The following GPC5 variants were observed in gnomAD, a reference collection of about 807,000 sequenced individuals.
GPC5 encodes glypican-5.
In GPC5, 47 loss-of-function variants were observed where a neutral mutation model predicts 53.9. That is an observed-to-expected ratio of 0.87 (90% CI 0.69 to 1.11). The LOEUF is 1.11. Among genes scored for constraint, GPC5 ranks in the 50% most tolerant of loss-of-function variants. The probability of loss-of-function intolerance (pLI) is 0.00; values close to 1 mark genes in which losing one functional copy is unlikely to be tolerated. For missense variants in GPC5, 748 were observed against 713.1 expected, an observed-to-expected ratio of 1.05 and a Z score of -0.56; for synonymous variants, 286 against 263.3, an observed-to-expected ratio of 1.09 and a Z score of -0.84.
Position 91,693,680 on chromosome 13 carries a change from C to G in GPC5, c.819C>G (p.Tyr273Ter), listed in dbSNP as rs2035813356. The change falls in exon 3 of 8, where the codon TAC becomes TAG. Residue 273 changes from tyrosine (Y) to a stop codon, truncating the protein, a stop_gained. Coordinates refer to ENST00000377067, the MANE Select transcript of GPC5 (RefSeq NM_004466.6). LOFTEE classifies it high-confidence loss of function. ...GLALTKPCMG[Y>*]CLNVMRGCLA... Reference sequence around the variant, plus strand: ...CGCTCACTAAGCCTTGTATGGGATACTGCCTCAATGTCATGCGAGGCTGCC... The same window carrying G: ...CGCTCACTAAGCCTTGTATGGGATAGTGCCTCAATGTCATGCGAGGCTGCC... 2 of 1,614,036 alleles carry G rather than the reference C, an allele frequency of 1.2e-6. No individual in the cohort carries two copies. The highest frequency in any genetic ancestry group is 1.1e-5 in the South Asian group (1 of 91,088).
At chr13:91,782,250 C>T (rs1211869411) in intron 5 of GPC5, among the ~76,000 whole-genome samples, 2 of 152,116 alleles carry the variant, frequency 1.3e-5, no homozygotes, top group African/African-American at 4.8e-5. Context: ...CTCTACTTTC[C>T]AAGCTGTGTT....
chr13:92,821,082 G>A (rs1000359917), intron 7 of GPC5, among the ~76,000 whole-genome samples: 1 of 152,098 alleles, frequency 6.6e-6, no homozygotes, highest in Non-Finnish European at 1.5e-5. Context: ...GTATATTCCT[G>A]ACACAAATCC....
At chr13:92,070,850 GTTTAGT>G (rs1438513144) in intron 6 of GPC5, among the ~76,000 whole-genome samples, 1 of 151,932 alleles carries the variant, frequency 6.6e-6, no homozygotes, top group East Asian at 1.9e-4. Context: ...TCTATGTATT[GTTTAGT>G]TTATCACATA....
At chr13:92,321,413 G>A (rs1304208108) in intron 7 of GPC5, among the ~76,000 whole-genome samples, 1 of 152,158 alleles carries the variant, frequency 6.6e-6, no homozygotes, top group Admixed American at 6.6e-5. Context: ...CCAACATCGT[G>A]AAACCCTGTC....
rs533837347 is a variant in GPC5, at chr13:92,752,003, A to G, written c.1562-114279A>G. On this transcript the variant is annotated intron_variant, in intron 7 of 7. Coordinates refer to ENST00000377067, the MANE Select transcript of GPC5 (RefSeq NM_004466.6). The stretch of plus-strand genomic sequence containing the variant: ...CTAATTATGTTATGAATTGAATATA[A>G]TAGTATCTGTTTTAATTTGCCACTT... Among the ~76,000 whole-genome samples, 4 of 152,246 alleles carry G rather than the reference A, an allele frequency of 2.6e-5. No homozygotes were observed. In the South Asian group the frequency reaches 6.2e-4, roughly 24 times the overall value.
chr13:92,243,629 A>G (rs2042629637), intron 7 of GPC5, among the ~76,000 whole-genome samples: 1 of 152,220 alleles, frequency 6.6e-6, no homozygotes, highest in Non-Finnish European at 1.5e-5. Context: ...ATTGTCATTT[A>G]TTGAAGTGTA....
At chr13:91,430,642 G>A (rs1238896748) in intron 1 of GPC5, among the ~76,000 whole-genome samples, 2 of 152,148 alleles carry the variant, frequency 1.3e-5, no homozygotes, top group African/African-American at 2.4e-5. Context: ...AGAGGAAGAA[G>A]CCTTCTGTAA....
At chr13:92,012,244 G>A (rs773061518) in intron 6 of GPC5, among the ~76,000 whole-genome samples, 4 of 151,900 alleles carry the variant, frequency 2.6e-5, no homozygotes, top group Admixed American at 2.0e-4. Context: ...ATTTGAAAAC[G>A]ATTTAATTTT....
At chr13:92,119,310 G>A (rs2041626015) in intron 6 of GPC5, among the ~76,000 whole-genome samples, 1 of 151,790 alleles carries the variant, frequency 6.6e-6, no homozygotes, top group Non-Finnish European at 1.5e-5. Context: ...TGGGAATTAT[G>A]GGAGCTAAAT....
intron 7 of GPC5, among the ~76,000 whole-genome samples, chr13:92,515,980 C>T (rs2138959923): frequency 6.6e-6 from 1 of 152,186 alleles, no homozygotes; most frequent in African/African-American, 2.4e-5. Context: ...TAGCATTAGA[C>T]TTTTTCTAGT....
Position 92,767,425 on chromosome 13 carries a change from C to T in GPC5, c.1562-98857C>T, listed in dbSNP as rs536963095. On this transcript the variant is annotated intron_variant, in intron 7 of 7. Transcript: ENST00000377067. ...GGCAGAGGTTGCAGTGAGCCGGGAT[C>T]GCGCCACCACACTTCAGCCTGGGCG... Among the ~76,000 whole-genome samples the T allele has an allele frequency of 4.6e-5, 7 of 152,212 alleles. No individual in the cohort carries two copies. The South Asian group carries it at 1.0e-3, about 23-fold the overall frequency.
At position 91,653,298 on chromosome 13, in the gene GPC5, C is replaced by T. The variant is rs915143928; in HGVS notation, c.326-39889C>T. Among the ~76,000 whole-genome samples, 4 of 152,224 alleles carry T rather than the reference C, an allele frequency of 2.6e-5. No individual in the cohort carries two copies. The South Asian group carries it at 6.2e-4, about 24-fold the overall frequency. On this transcript the variant is annotated intron_variant, in intron 2 of 7. Transcript: ENST00000377067. Reference sequence around the variant, plus strand: ...ATAAACCCTTATAAGATTATCTCCGCCCCCACAGCCTTAATTTCCATCAAC... The same window carrying T: ...ATAAACCCTTATAAGATTATCTCCGTCCCCACAGCCTTAATTTCCATCAAC...
chr13:92,704,800 C>G (rs915701548), intron 7 of GPC5, among the ~76,000 whole-genome samples: 4 of 148,916 alleles, frequency 2.7e-5, no homozygotes, highest in African/African-American at 9.9e-5. Flanking sequence ...TATACATATA[C>G]ACACACACAT....
At position 92,685,459 on chromosome 13, in the gene GPC5, G is replaced by C. The variant is rs116057010; in HGVS notation, c.1562-180823G>C. ...TTACCACATTTTTCCACATATATTT[G>C]TAATAAGTTCTGATGTCTGATAAGG... On this transcript the variant is annotated intron_variant, in intron 7 of 7. Coordinates refer to ENST00000377067, the MANE Select transcript of GPC5 (RefSeq NM_004466.6). Among the ~76,000 whole-genome samples, 117 of 150,458 alleles carry C rather than the reference G, an allele frequency of 7.8e-4. 1 individual carries two copies. Among genetic ancestry groups the C allele is most frequent in the African/African-American group, 2.6e-3 (104 of 40,762 alleles).
At chr13:92,420,345 T>C (rs886313814) in intron 7 of GPC5, among the ~76,000 whole-genome samples, 1 of 152,186 alleles carries the variant, frequency 6.6e-6, no homozygotes, top group Non-Finnish European at 1.5e-5. Flanking sequence ...ATTTTCTTTT[T>C]TTAATTTTTA....
intron 6 of GPC5, among the ~76,000 whole-genome samples, chr13:92,110,249 C>G (rs539861918): frequency 6.6e-6 from 1 of 152,224 alleles, no homozygotes; most frequent in Admixed American, 6.5e-5. Context: ...AGACTAAACA[C>G]CAGGTAGTGG....
intron 6 of GPC5, among the ~76,000 whole-genome samples, chr13:92,053,946 C>T (rs2041052068): frequency 1.3e-5 from 2 of 151,720 alleles, no homozygotes; most frequent in Admixed American, 1.3e-4. Context: ...ACAGGAGAAT[C>T]ACTTGAACCC....
chr13:91,520,053 G>A (rs1040770066), intron 2 of GPC5, among the ~76,000 whole-genome samples: 11 of 152,068 alleles, frequency 7.2e-5, no homozygotes, highest in African/African-American at 2.7e-4. Context: ...GATGGATGGA[G>A]GCAAGCTAGA....
intron 5 of GPC5, among the ~76,000 whole-genome samples, chr13:91,819,657 A>T (rs1005189511): frequency 2.6e-5 from 4 of 152,088 alleles, no homozygotes; most frequent in African/African-American, 9.7e-5. Flanking sequence ...TCTATTGCTG[A>T]TGGATATTTG....
Sources: allele counts gnomAD v4.1 joint callset (sites outside exome capture counted in the v4.1 genomes callset), GRCh38; gene constraint gnomAD v4.1.1; transcripts MANE v1.5; gene names NCBI Gene and HGNC (gene_info 2026-07-23, HGNC 2026-07-21).